The following ATAD2B variants were observed in gnomAD, a reference collection of about 807,000 sequenced individuals.
The protein encoded by ATAD2B is ATPase family AAA domain-containing protein 2B.
A neutral mutation model predicts 167.6 loss-of-function variants in ATAD2B; 40 were observed. The observed-to-expected ratio is 0.24, with a 90% CI of 0.19 to 0.31. ATAD2B has a LOEUF of 0.31. Among genes scored for constraint, ATAD2B ranks in the 10% least tolerant of loss-of-function variants. ATAD2B has a pLI of 1.00. For synonymous variants in ATAD2B, 579 were observed against 596.5 expected, an observed-to-expected ratio of 0.97 and a Z score of 0.43; for missense variants, 1,242 against 1,757.2, an observed-to-expected ratio of 0.71 and a Z score of 5.24.
intron 18 of ATAD2B, among the ~76,000 whole-genome samples, chr2:23,808,516 G>A (rs976596628): frequency 2.6e-5 from 4 of 151,772 alleles, no homozygotes; most frequent in Admixed American, 2.0e-4. Flanking sequence ...TATTTCAATT[G>A]GGACCTCTTC....
At chr2:23,742,836 A>G in the ATAD2B span, among the ~76,000 whole-genome samples, 2 of 152,342 alleles carry the variant, frequency 1.3e-5, no homozygotes, top group East Asian at 1.9e-4. Flanking sequence ...CAAGATCTGA[A>G]TAACAGTAGT....
the ATAD2B span, chr2:23,706,459 T>C: frequency 6.9e-6 from 10 of 1,440,814 alleles, no homozygotes; most frequent in Non-Finnish European, 8.2e-6. Context: ...TGCCTAACTC[T>C]GTCCCCGCTT....
intron 19 of ATAD2B, among the ~76,000 whole-genome samples, chr2:23,789,585 G>A (rs1681342270): frequency 6.6e-6 from 1 of 152,132 alleles, no homozygotes; most frequent in Non-Finnish European, 1.5e-5. Flanking sequence ...CACCAGTATG[G>A]AAAGATAGAC....
At chr2:23,849,023 C>T (rs1343543194) in intron 13 of ATAD2B, among the ~76,000 whole-genome samples, 1 of 151,480 alleles carries the variant, frequency 6.6e-6, no homozygotes, top group African/African-American at 2.4e-5. Flanking sequence ...TAAAAAAAAA[C>T]TTTCAAAGTT....
chr2:23,703,346 A>C, the ATAD2B span: 1 of 1,531,162 alleles, frequency 6.5e-7, no homozygotes, highest in Non-Finnish European at 8.8e-7. Flanking sequence ...TCCTCAGACC[A>C]ACACGTGGAG....
At chr2:23,721,393 T>C in the ATAD2B span, among the ~76,000 whole-genome samples, 5 of 151,988 alleles carry the variant, frequency 3.3e-5, no homozygotes, top group East Asian at 3.9e-4. Flanking sequence ...AACAGCTCCA[T>C]AGGCTGCCCC....
At chr2:23,874,693 CAAA>C (rs879884496) in intron 8 of ATAD2B, among the ~76,000 whole-genome samples, 1 of 139,476 alleles carries the variant, frequency 7.2e-6, no homozygotes. Context: ...GACCCTGTCT[CAAA>C]AAAAAAAAAT....
intron 14 of ATAD2B, chr2:23,832,143 C>T (rs1463955672): frequency 6.7e-6 from 3 of 449,054 alleles, no homozygotes; most frequent in Non-Finnish European, 1.4e-5. Context: ...ATCACACCCT[C>T]CTCATTGATA....
chr2:23,795,039 T>G (rs1348286819), intron 19 of ATAD2B, among the ~76,000 whole-genome samples: 4 of 152,160 alleles, frequency 2.6e-5, no homozygotes, highest in Non-Finnish European at 4.4e-5. Flanking sequence ...CTAATTATTT[T>G]GGGGTTTTCT....
intron 1 of ATAD2B, among the ~76,000 whole-genome samples, chr2:23,907,408 C>T (rs1339083223): frequency 2.0e-5 from 3 of 151,940 alleles, no homozygotes; most frequent in Non-Finnish European, 4.4e-5. Flanking sequence ...ATCCAACTTA[C>T]GAGGGATGTG....
chr2:23,679,459 A>G, the ATAD2B span, among the ~76,000 whole-genome samples: 3 of 152,190 alleles, frequency 2.0e-5, no homozygotes, highest in Non-Finnish European at 4.4e-5. Flanking sequence ...AAAGCTTCTT[A>G]AGGCCGTGAC....
Position 23,751,967 on chromosome 2 carries a change from G to T in ATAD2B, c.*79C>A. On this transcript the variant is annotated 3_prime_UTR_variant, in exon 28 of 28. Transcript: ENST00000238789. ...CACCAAGGCTCTGCACATAATTGGT[G>T]CAATTTGAAATTGAATGGCTCAGAA... 9.1e-7 allele frequency: 1 copy of T among 1,097,104 alleles called. No homozygotes were observed. 68.0% of individuals were successfully genotyped at this position (1,097,104 alleles called of 1,614,324 possible). A position where few individuals can be genotyped will look rare whatever the true frequency, so the allele number is the denominator to read the frequency against.
intron 13 of ATAD2B, 74 bp from the exon 14 acceptor site, chr2:23,834,152 CTTTTTTTTTTTTTTTTTT>C: frequency 8.5e-6 from 1 of 117,898 alleles, no homozygotes; most frequent in Non-Finnish European, 1.4e-5. Flanking sequence ...ATCAGTCTTT[CTTTTTTTTTTTTTTTTTT>C]TTTTTTTTTG....
chr2:23,830,676 T>C (rs1379799154), intron 14 of ATAD2B, among the ~76,000 whole-genome samples: 7 of 152,110 alleles, frequency 4.6e-5, no homozygotes, highest in Non-Finnish European at 1.0e-4. Context: ...ATGACACTTA[T>C]TTTCTTCCAA....
At chr2:23,842,524 A>G (rs1691082812) in intron 13 of ATAD2B, among the ~76,000 whole-genome samples, 1 of 152,190 alleles carries the variant, frequency 6.6e-6, no homozygotes, top group Non-Finnish European at 1.5e-5. Flanking sequence ...CACTTGGAGA[A>G]GAAAAAGTAA....
intron 19 of ATAD2B, among the ~76,000 whole-genome samples, chr2:23,797,865 T>A (rs190240743): frequency 0.05 from 7,580 of 152,190 alleles, 249 homozygotes; most frequent in Non-Finnish European, 0.073. Context: ...AATTTTTGAA[T>A]TAGAGATGCT....
intron 1 of ATAD2B, among the ~76,000 whole-genome samples, chr2:23,900,322 C>G (rs917775974): frequency 1.3e-5 from 2 of 152,204 alleles, no homozygotes; most frequent in Admixed American, 1.3e-4. Context: ...CCACCTCGGC[C>G]CCACAAAGCG....
At chr2:23,900,519 T>G (rs1265756214) in intron 1 of ATAD2B, among the ~76,000 whole-genome samples, 1 of 152,194 alleles carries the variant, frequency 6.6e-6, no homozygotes, top group Non-Finnish European at 1.5e-5. Context: ...ATGGGCATGA[T>G]CTATTTGGAA....
chr2:23,702,556 C>T, the ATAD2B span, among the ~76,000 whole-genome samples: 2 of 152,160 alleles, frequency 1.3e-5, no homozygotes, highest in Non-Finnish European at 2.9e-5. Context: ...CCACTCAGTC[C>T]TGCTTCCCAT....
Sources: gnomAD v4.1 joint callset for allele counts (sites outside exome capture counted in the v4.1 genomes callset) on GRCh38, gnomAD v4.1.1 for gene constraint, MANE v1.5 for transcripts, NCBI Gene and HGNC (gene_info 2026-07-23, HGNC 2026-07-21) for gene names.